UNC13A: variants seen among roughly 807,000 people sequenced by gnomAD.
UNC13A encodes the protein unc-13 homolog A.
UNC13A carries 61 observed loss-of-function variants against 219.7 expected under a neutral mutation model. That is an observed-to-expected ratio of 0.28 (90% confidence interval 0.23 to 0.34). The LOEUF (loss-of-function observed/expected upper bound fraction) is 0.34. UNC13A is among the 10% of genes least tolerant of loss of function. The probability of loss-of-function intolerance (pLI) is 1.00; values close to 1 mark genes in which losing one functional copy is unlikely to be tolerated. For missense variants in UNC13A, 1,476 were observed against 2,270.3 expected (o/e 0.65, Z 7.11); for synonymous variants, 920 against 884.6 (o/e 1.04, Z -0.71).
chr19:17,662,350 T>C lies in UNC13A; in HGVS notation c.559+1182A>G, dbSNP rs183782711. ...TATGAGAATCTAATGCCTGATGATCTGTCACTGTCCCCCATCACCCTAAGA... is the reference window on the plus strand; with the variant it reads ...TATGAGAATCTAATGCCTGATGATCCGTCACTGTCCCCCATCACCCTAAGA... On this transcript the variant is annotated intron_variant, in intron 8 of 43. Transcript: ENST00000519716. Among the ~76,000 whole-genome samples the C allele has an allele frequency of 1.5e-4, 23 of 152,246 alleles. No individual in the cohort carries two copies. In the East Asian group the frequency reaches 4.4e-3, roughly 29 times the overall value.
Position 17,641,503 on chromosome 19 carries a change from T to C in UNC13A, c.2526A>G (p.Pro842=). 1 of 1,614,118 alleles carries C rather than the reference T, an allele frequency of 6.2e-7. No homozygotes were observed. Among genetic ancestry groups the C allele is most frequent in the Non-Finnish European group, 8.5e-7 (1 of 1,180,010 alleles). Residue 842 remains proline, a synonymous_variant, in exon 21 of 44, where the codon CCA becomes CCG. Coordinates refer to ENST00000519716, the MANE Select transcript of UNC13A (RefSeq NM_001080421.3). ...DVQNNGVVKI[P]DAKGDDAWKV... ...TCCAGGCATCGTCACCCTTGGCATC[T>C]GGGATCTTCACGACCCCATTGTTCT...
rs1279158626 is a variant in UNC13A at position 17,646,091 on chromosome 19, G to C, written c.2065C>G (p.Gln689Glu). The C allele has an allele frequency of 1.9e-6, 3 of 1,613,720 alleles. No homozygotes were observed. Among genetic ancestry groups the C allele is most frequent in the African/African-American group, 2.7e-5 (2 of 74,928 alleles). ...CTGGATCCTGTCTTGTCCTTTGCCT[G>C]CAAGCCCTGGGCGCAGACCACTGGA... ...SITVVCAQGL[Q>E]AKDKTGSSDP... Residue 689 changes from glutamine to glutamate, a missense_variant, in exon 18 of 44, where the codon CAG becomes GAG. Gln to Glu is a conservative substitution (Grantham distance 29, BLOSUM62 2). Transcript: ENST00000519716.
At chr19:17,643,941 C>T (rs1369113470) in intron 19 of UNC13A, among the ~76,000 whole-genome samples, 4 of 152,038 alleles carry the variant, frequency 2.6e-5, no homozygotes, top group African/African-American at 9.7e-5. Context: ...TCTTGTCTCC[C>T]ACCTCCCCCA....
intron 1 of UNC13A, among the ~76,000 whole-genome samples, chr19:17,686,774 CGGGG>C (rs2080120674): frequency 7.4e-6 from 1 of 135,408 alleles, no homozygotes; most frequent in Admixed American, 7.3e-5. Context: ...GCTGCCGCGG[CGGGG>C]AGCGGGCGGG....
At chr19:17,680,013 C>T (rs1360488675) in intron 1 of UNC13A, among the ~76,000 whole-genome samples, 1 of 151,968 alleles carries the variant, frequency 6.6e-6, no homozygotes, top group African/African-American at 2.4e-5. Flanking sequence ...CATGATTTTT[C>T]ATCACTGGGG....
At chr19:17,667,913 G>T (rs541920661) in intron 6 of UNC13A, among the ~76,000 whole-genome samples, 1 of 151,716 alleles carries the variant, frequency 6.6e-6, no homozygotes, top group East Asian at 1.9e-4. Flanking sequence ...GAGCCACTGC[G>T]CCTGGCCTCT....
chr19:17,623,318 G>C, intron 36 of UNC13A: 1 of 487,080 alleles, frequency 2.1e-6, no homozygotes, highest in Non-Finnish European at 3.6e-6. Flanking sequence ...GGCTCCTCTG[G>C]ACTTCAGTGG....
Position 17,651,373 on chromosome 19 carries a change from A to G in UNC13A, c.1439+1258T>C, listed in dbSNP as rs185165326. On this transcript the variant is annotated intron_variant, in intron 12 of 43. Transcript: ENST00000519716. ...CAAATAGCTGGGATTACAAGCATGC[A>G]CCACCACACCTGGCTAATTTTTTGT... Among the ~76,000 whole-genome samples, 15 of 152,032 alleles carry G rather than the reference A, an allele frequency of 9.9e-5. No homozygotes were observed. The East Asian group carries it at 2.9e-3, about 29-fold the overall frequency.
chr19:17,617,835 C>T lies in UNC13A; in HGVS notation c.4425G>A (p.Ala1475=), dbSNP rs1054811672. The change falls in exon 41 of 44, where the codon GCG becomes GCA. Residue 1475 remains alanine (A), a synonymous_variant. Coordinates refer to ENST00000519716, the MANE Select transcript of UNC13A (RefSeq NM_001080421.3). ...AGGTCTTCTTGAGGCCCACGCCACC[C>T]GCGTGGAAATATTGCTGGGGAGGAC... ...ALDTIKQYFH[A]GGVGLKKTFL... The T allele has an allele frequency of 1.9e-6, 3 of 1,613,758 alleles. No homozygotes were observed. The highest frequency in any genetic ancestry group is 1.7e-5 in the Admixed American group (1 of 59,998).
rs2076700622 is a variant in UNC13A, at chr19:17,619,199, A to G, written c.4273-237T>C. ...TCTCAGCCCCACCCAGGCTTGTGTA[A>G]CAGGAGAAACAGACAGGGACCAGAC... is the stretch of plus-strand genomic sequence containing the variant. On this transcript the variant is annotated intron_variant, in intron 38 of 43. Transcript: ENST00000519716. 2.6e-5 allele frequency among the ~76,000 whole-genome samples: 4 copies of G among 152,128 alleles called. No homozygotes were observed. In the South Asian group the frequency reaches 8.3e-4, roughly 32 times the overall value.
chr19:17,653,990 C>T (rs1262877036), intron 11 of UNC13A, among the ~76,000 whole-genome samples: 1 of 151,842 alleles, frequency 6.6e-6, no homozygotes, highest in Admixed American at 6.6e-5. Flanking sequence ...CCACAGCCGG[C>T]TAATTTTTTT....
chr19:17,681,946 CATT>C (rs1284141997), intron 1 of UNC13A, among the ~76,000 whole-genome samples: 1 of 116,578 alleles, frequency 8.6e-6, no homozygotes, highest in Non-Finnish European at 1.7e-5. Context: ...AAAACATCAT[CATT>C]GATTTTTTTT....
intron 8 of UNC13A, among the ~76,000 whole-genome samples, chr19:17,659,020 G>A (rs2079508273): frequency 6.6e-6 from 1 of 151,730 alleles, no homozygotes; most frequent in Admixed American, 6.6e-5. Flanking sequence ...ATGTCTGGGT[G>A]GTGGCATAAT....
intron 26 of UNC13A, among the ~76,000 whole-genome samples, chr19:17,634,894 C>T (rs763998088): frequency 2.6e-5 from 4 of 151,612 alleles, no homozygotes; most frequent in East Asian, 1.9e-4. Context: ...TTTTTTGAGA[C>T]GGAGTCTCAC....
At chr19:17,640,876 CTTTCTTTT>C (rs1025059464) in intron 21 of UNC13A, among the ~76,000 whole-genome samples, 12 of 117,918 alleles carry the variant, frequency 1.0e-4, no homozygotes, top group African/African-American at 3.0e-4. Flanking sequence ...TTTTTTCTTT[CTTTCTTTT>C]TTTTTTTTTT....
At chr19:17,675,971 G>C in intron 2 of UNC13A, 41 bp downstream of exon 2, 1 of 1,550,500 alleles carries the variant, frequency 6.4e-7, no homozygotes, top group Non-Finnish European at 8.7e-7. Context: ...CAGACAGACA[G>C]ACAGACAACA....
At chr19:17,668,529 C>T (rs2079709408) in intron 5 of UNC13A, among the ~76,000 whole-genome samples, 1 of 152,152 alleles carries the variant, frequency 6.6e-6, no homozygotes, top group African/African-American at 2.4e-5. Context: ...CTCTGTTGCC[C>T]AGGCTGGAGT....
intron 20 of UNC13A, 56 bp from the exon 21 acceptor site, chr19:17,641,612 G>C (rs1245283333): frequency 2.2e-5 from 34 of 1,579,410 alleles, no homozygotes; most frequent in Non-Finnish European, 5.2e-6. Flanking sequence ...CCGGGGGTCA[G>C]AGGTCCCAGG....
intron 38 of UNC13A, 155 bp from the exon 39 acceptor site, chr19:17,619,117 A>G: frequency 1.5e-6 from 1 of 687,768 alleles, no homozygotes; most frequent in Non-Finnish European, 2.5e-6. Context: ...AGAACTGAGG[A>G]GGATGTGGTG....
Sources: allele counts gnomAD v4.1 joint callset (sites outside exome capture counted in the v4.1 genomes callset), GRCh38; gene constraint gnomAD v4.1.1; transcripts MANE v1.5; gene names NCBI Gene and HGNC (gene_info 2026-07-23, HGNC 2026-07-21).